The following PRKAR2A variants were observed in gnomAD, a reference collection of about 807,000 sequenced individuals.
PRKAR2A encodes protein kinase cAMP-dependent type II regulatory subunit alpha, also known as cAMP-dependent protein kinase type II-alpha regulatory subunit.
PRKAR2A carries 29 observed loss-of-function variants against 51.9 expected under a neutral mutation model. That is an observed-to-expected ratio of 0.56 (90% CI 0.42 to 0.76). PRKAR2A has a LOEUF of 0.76. Ranked by LOEUF, PRKAR2A falls within the 30% of genes least tolerant of loss-of-function variation. The pLI is 0.00. For missense variants in PRKAR2A, 445 were observed against 512.1 expected, an observed-to-expected ratio of 0.87 and a Z score of 1.26; for synonymous variants, 178 against 186.2, an observed-to-expected ratio of 0.96 and a Z score of 0.36.
chr3:48,829,286 A>G (rs2083125967), intron 1 of PRKAR2A, among the ~76,000 whole-genome samples: 1 of 151,250 alleles, frequency 6.6e-6, no homozygotes, highest in African/African-American at 2.4e-5. Context: ...TGGGAGGCCC[A>G]GGTGGGCAGA....
intron 1 of PRKAR2A, among the ~76,000 whole-genome samples, chr3:48,840,088 CTGGTTACCTTCTGTAAG>C (rs528090755): frequency 1.2e-3 from 183 of 152,312 alleles, no homozygotes; most frequent in Middle Eastern, 6.8e-3. Flanking sequence ...TTTAGCTACT[CTGGTTACCTTCTGTAAG>C]TGGAATCATA....
intron 9 of PRKAR2A, among the ~76,000 whole-genome samples, chr3:48,752,619 T>C (rs1383075235): frequency 6.6e-6 from 1 of 152,158 alleles, no homozygotes; most frequent in African/African-American, 2.4e-5. Flanking sequence ...TCTTAGGTAA[T>C]GAGCCACAAA....
At position 48,764,993 on chromosome 3, in the gene PRKAR2A, C is replaced by T. The variant is rs1039986797; in HGVS notation, c.873+11G>A. On this transcript the variant is annotated intron_variant, in intron 8 of 10. Transcript: ENST00000265563. ...CTTCCAGGAAAGGAGCTGCGTAAAG[C>T]CCTCACTCACCTGAGTGATTATGCG... 2 of 1,610,112 alleles carry T rather than the reference C, an allele frequency of 1.2e-6. No individual in the cohort carries two copies. The highest frequency in any genetic ancestry group is 8.5e-7 in the Non-Finnish European group (1 of 1,176,446).
intron 1 of PRKAR2A, among the ~76,000 whole-genome samples, chr3:48,834,969 CTTTTT>C (rs765924891): frequency 7.6e-6 from 1 of 131,968 alleles, no homozygotes; most frequent in East Asian, 2.2e-4. Flanking sequence ...AGGAGGATCA[CTTTTT>C]TTTTTTTTTT....
At position 48,755,540 on chromosome 3, in the gene PRKAR2A, A is replaced by G. The variant is rs149770399; in HGVS notation, c.939+839T>C. 3.1e-3 allele frequency among the ~76,000 whole-genome samples: 476 copies of G among 152,104 alleles called. 5 individuals are homozygous for G. The highest frequency in any genetic ancestry group is 0.011 in the African/African-American group (453 of 41,508). On this transcript the variant is annotated intron_variant, in intron 9 of 10. Coordinates refer to ENST00000265563, the MANE Select transcript of PRKAR2A (RefSeq NM_004157.4). ...AGAGACCTCTTCTAACAGTGCTCTA[A>G]CAAGGAAGCTTTCTTCATGTTCATC...
At chr3:48,768,127 G>T (rs1202120295) in intron 6 of PRKAR2A, among the ~76,000 whole-genome samples, 1 of 151,134 alleles carries the variant, frequency 6.6e-6, no homozygotes, top group East Asian at 2.0e-4. Flanking sequence ...AAACCCATCT[G>T]TACAAAAAAT....
At chr3:48,764,964 G>A in intron 8 of PRKAR2A, 40 bp downstream of exon 8, 8 of 1,567,748 alleles carry the variant, frequency 5.1e-6, no homozygotes, top group Non-Finnish European at 7.0e-6. Flanking sequence ...TTCTTCAGGG[G>A]TGACTTCCAG....
chr3:48,830,198 C>T (rs1178251686), intron 1 of PRKAR2A, among the ~76,000 whole-genome samples: 2 of 149,452 alleles, frequency 1.3e-5, no homozygotes, highest in African/African-American at 4.9e-5. Context: ...AGCGAAGCTC[C>T]GTCTCAAAAA....
Position 48,747,482 on chromosome 3 carries a change from A to T in PRKAR2A, c.*4103T>A, listed in dbSNP as rs1382369319. On this transcript the variant is annotated 3_prime_UTR_variant, in exon 11 of 11. Coordinates refer to ENST00000265563, the MANE Select transcript of PRKAR2A (RefSeq NM_004157.4). ...GAAAACGGGCAATCAGAGGATAAACATAACCTCTCCTGGCTGGAGAACCAT... is the reference window on the plus strand; with the variant it reads ...GAAAACGGGCAATCAGAGGATAAACTTAACCTCTCCTGGCTGGAGAACCAT... 6.6e-6 allele frequency: 1 copy of T among 152,176 alleles called. No individual in the cohort carries two copies. Among genetic ancestry groups the T allele is most frequent in the African/African-American group, 2.4e-5 (1 of 41,438 alleles). The allele number at this position is 152,176 out of a possible 1,614,324, so 9.4% of individuals were successfully genotyped here.
intron 1 of PRKAR2A, 101 bp from the exon 2 acceptor site, chr3:48,807,785 C>A: frequency 1.1e-6 from 1 of 880,886 alleles, no homozygotes; most frequent in South Asian, 1.4e-5. Flanking sequence ...CTAAGCCCCT[C>A]AAAACCAAGC....
intron 1 of PRKAR2A, among the ~76,000 whole-genome samples, chr3:48,841,414 G>A (rs540351489): frequency 5.7e-4 from 87 of 151,392 alleles, no homozygotes; most frequent in African/African-American, 1.8e-3. Flanking sequence ...GTGTGGTGGC[G>A]CATGCCTGTA....
chr3:48,768,847 C>T (rs1190447930), intron 6 of PRKAR2A, among the ~76,000 whole-genome samples: 1 of 151,990 alleles, frequency 6.6e-6, no homozygotes, highest in African/African-American at 2.4e-5. Context: ...GCCTGTAATC[C>T]CAGCACTTTG....
At chr3:48,839,650 C>T (rs1233496542) in intron 1 of PRKAR2A, among the ~76,000 whole-genome samples, 1 of 152,004 alleles carries the variant, frequency 6.6e-6, no homozygotes, top group Admixed American at 6.6e-5. Context: ...TGACTCTTTC[C>T]AATAGGATAC....
rs779144009 is a variant in PRKAR2A, at chr3:48,847,363, G to A, written c.234C>T (p.Ser78=). 2 of 1,613,420 alleles carry A rather than the reference G, an allele frequency of 1.2e-6. No individual in the cohort carries two copies. Among genetic ancestry groups the A allele is most frequent in the Admixed American group, 1.7e-5 (1 of 59,976 alleles). The change falls in exon 1 of 11, where the codon AGC becomes AGT. Residue 78 remains serine, a synonymous_variant. Transcript: ENST00000265563. The surrounding 1 kb of genome is among the most constrained non-coding windows in gnomAD (Gnocchi z 4.4). ...CCAAGTCCTCGTCCTCCTCCGACTC[G>A]CTGTCCCCTTTGGCGTCGGCGACAC... is the stretch of plus-strand genomic sequence containing the variant. ...PDRVADAKGD[S]ESEEDEDLEV...
intron 1 of PRKAR2A, among the ~76,000 whole-genome samples, chr3:48,840,255 C>T (rs996098899): frequency 2.6e-5 from 4 of 152,042 alleles, no homozygotes; most frequent in Non-Finnish European, 4.4e-5. Flanking sequence ...TTTGGGAAGT[C>T]GAGGCGGGAC....
At chr3:48,765,404 G>A (rs2081926717) in intron 6 of PRKAR2A, 55 bp from the exon 7 acceptor site, 1 of 1,250,108 alleles carries the variant, frequency 8.0e-7, no homozygotes, top group Non-Finnish European at 1.1e-6. Context: ...GAACATCTAT[G>A]GTTTAATTAA....
intron 9 of PRKAR2A, among the ~76,000 whole-genome samples, chr3:48,752,916 C>CTTTTTTTTTTTTT (rs59163654): frequency 4.2e-5 from 2 of 47,496 alleles, no homozygotes; most frequent in African/African-American, 9.8e-5. Context: ...TTCCCTCCTC[C>CTTTTTTTTTTTTT]TTTTTTTTTT....
At chr3:48,794,154 C>CA in intron 2 of PRKAR2A, 105 bp from the exon 3 acceptor site, 2 of 662,408 alleles carry the variant, frequency 3.0e-6, no homozygotes, top group Non-Finnish European at 4.7e-6. Flanking sequence ...GTTTTCTTTT[C>CA]TTTTTTTTTT....
chr3:48,842,139 AG>A (rs1410641079), intron 1 of PRKAR2A, among the ~76,000 whole-genome samples: 2 of 152,074 alleles, frequency 1.3e-5, no homozygotes, highest in East Asian at 3.9e-4. Context: ...GTCCCTTGTA[AG>A]TTGGATTCCT....
Sources: allele counts gnomAD v4.1 joint callset (sites outside exome capture counted in the v4.1 genomes callset), GRCh38; gene constraint gnomAD v4.1.1; non-coding constraint Gnocchi (gnomAD v3.1); transcripts MANE v1.5; gene names NCBI Gene and HGNC (gene_info 2026-07-23, HGNC 2026-07-21).